DIP2C: variants seen among roughly 807,000 people sequenced by gnomAD.
The protein encoded by DIP2C is DIP2 acetate--CoA ligase C (putative).
DIP2C carries 33 observed loss-of-function variants against 192.4 expected under a neutral mutation model. That is an observed-to-expected ratio of 0.17 (90% confidence interval 0.13 to 0.23). The LOEUF (loss-of-function observed/expected upper bound fraction) is 0.23, where lower values mean the gene tolerates loss of function less well. Among genes scored for constraint, DIP2C ranks in the 10% least tolerant of loss-of-function variants. DIP2C has a pLI of 1.00. For missense variants in DIP2C, 1,537 were observed against 2,110.1 expected (o/e 0.73, Z 5.32); for synonymous variants, 979 against 864.1 (o/e 1.13, Z -2.33).
At chr10:511,507 G>A (rs942785845) in intron 1 of DIP2C, among the ~76,000 whole-genome samples, 15 of 152,232 alleles carry the variant, frequency 9.9e-5, no homozygotes, top group African/African-American at 2.6e-4. Flanking sequence ...AGAAGTATGA[G>A]GAAAAAAGAA....
chr10:399,885 C>T (rs1294987217), intron 9 of DIP2C, among the ~76,000 whole-genome samples: 1 of 152,182 alleles, frequency 6.6e-6, no homozygotes, highest in Non-Finnish European at 1.5e-5. Context: ...GGGCCCTGGC[C>T]CTGCAGCAGT....
chr10:560,542 C>G (rs1036633149), intron 1 of DIP2C, among the ~76,000 whole-genome samples: 1 of 152,148 alleles, frequency 6.6e-6, no homozygotes, highest in African/African-American at 2.4e-5. Flanking sequence ...TTTGATAGGC[C>G]TCTTGATTCT....
chr10:490,889 CAA>C (rs1287979697), intron 1 of DIP2C, among the ~76,000 whole-genome samples: 2 of 152,188 alleles, frequency 1.3e-5, no homozygotes, highest in African/African-American at 2.4e-5. Context: ...CCCAGTGAGG[CAA>C]AGTCACCAGC....
At chr10:414,904 A>G (rs925229368) in intron 7 of DIP2C, among the ~76,000 whole-genome samples, 1 of 77,770 alleles carries the variant, frequency 1.3e-5, no homozygotes, top group African/African-American at 4.5e-5. Context: ...ATATATATAT[A>G]TATTTTTTTT....
chr10:414,071 G>T lies in DIP2C; in HGVS notation c.899C>A (p.Ala300Asp). ...CTCTCCGCGCATGGCCAGCATCTGG[G>T]CCCCCTCCGGCTTTGGTTGGTTCGG... ...PDPNQPKPEG[A>D]QMLAMRGEQL... Residue 300 changes from alanine (A) to aspartate (D), a missense_variant, in exon 8 of 37, where the codon GCC becomes GAC. Physicochemically the swap from Ala to Asp is moderately radical, Grantham distance 126. Coordinates refer to ENST00000280886, the MANE Select transcript of DIP2C (RefSeq NM_014974.3). 2 of 1,613,872 alleles carry T rather than the reference G, an allele frequency of 1.2e-6. No individual in the cohort carries two copies. The highest frequency in any genetic ancestry group is 4.5e-5 in the East Asian group (2 of 44,874).
At chr10:420,312 G>A (rs563416989) in intron 5 of DIP2C, among the ~76,000 whole-genome samples, 1 of 152,368 alleles carries the variant, frequency 6.6e-6, no homozygotes, top group East Asian at 1.9e-4. Flanking sequence ...GGGCGGTGCC[G>A]AGCTGCCTGG....
At chr10:587,526 A>G (rs570332899) in intron 1 of DIP2C, among the ~76,000 whole-genome samples, 1 of 152,318 alleles carries the variant, frequency 6.6e-6, no homozygotes, top group East Asian at 1.9e-4. Context: ...AAGGTCATTA[A>G]TCCCAGCTAT....
chr10:542,231 C>T (rs1170254164), intron 1 of DIP2C, among the ~76,000 whole-genome samples: 5 of 152,188 alleles, frequency 3.3e-5, no homozygotes, highest in Non-Finnish European at 7.4e-5. Flanking sequence ...GAGTTACCTC[C>T]TGGGCGATGC....
chr10:565,897 C>T (rs1186121745), intron 1 of DIP2C, among the ~76,000 whole-genome samples: 2 of 152,192 alleles, frequency 1.3e-5, no homozygotes, highest in Non-Finnish European at 2.9e-5. Flanking sequence ...CGTTGGGAAG[C>T]AGGCAGGGCC....
At chr10:603,117 G>A (rs1852201230) in intron 1 of DIP2C, among the ~76,000 whole-genome samples, 2 of 151,980 alleles carry the variant, frequency 1.3e-5, no homozygotes, top group African/African-American at 4.8e-5. Flanking sequence ...GTTCTGGCAT[G>A]TCATTTGTGT....
At chr10:372,169 G>A (rs1283071921) in intron 17 of DIP2C, among the ~76,000 whole-genome samples, 5 of 149,760 alleles carry the variant, frequency 3.3e-5, no homozygotes, top group Middle Eastern at 3.4e-3. Context: ...TCTGCCTCCC[G>A]GATTCAAGCC....
chr10:529,301 A>T (rs2130852053), intron 1 of DIP2C, among the ~76,000 whole-genome samples: 1 of 152,214 alleles, frequency 6.6e-6, no homozygotes, highest in Admixed American at 6.5e-5. Context: ...AAAATGTTTA[A>T]TTCCTACTCA....
In DIP2C at chr10:369,296, C is replaced by T. The variant is rs549921287; in HGVS notation, c.2131+198G>A. On this transcript the variant is annotated intron_variant, in intron 18 of 36. Coordinates refer to ENST00000280886, the MANE Select transcript of DIP2C (RefSeq NM_014974.3). ...GTGCAAAGCTGCCCTTCCCCATCTTCTTGATCGTCTACCAGGAGAGGGAAC... is the reference window on the plus strand; with the variant it reads ...GTGCAAAGCTGCCCTTCCCCATCTTTTTGATCGTCTACCAGGAGAGGGAAC... Among the ~76,000 whole-genome samples, 15 of 152,302 alleles carry T rather than the reference C, an allele frequency of 9.8e-5. No individual in the cohort carries two copies. The South Asian group carries it at 2.5e-3, about 25-fold the overall frequency.
At chr10:403,810 G>A (rs991727349) in intron 9 of DIP2C, among the ~76,000 whole-genome samples, 15 of 142,124 alleles carry the variant, frequency 1.1e-4, no homozygotes, top group African/African-American at 4.0e-4. Flanking sequence ...TTATGGACAA[G>A]TTTGGTACGT....
intron 1 of DIP2C, among the ~76,000 whole-genome samples, chr10:559,558 G>A (rs1287481134): frequency 1.3e-5 from 2 of 152,204 alleles, no homozygotes; most frequent in Admixed American, 6.5e-5. Flanking sequence ...CAGAGCAGAT[G>A]CAACACTGGG....
At chr10:278,372 G>A (rs988687091) in intron 36 of DIP2C, among the ~76,000 whole-genome samples, 9 of 152,262 alleles carry the variant, frequency 5.9e-5, no homozygotes, top group Middle Eastern at 3.2e-3. Context: ...CCTGTGTTAG[G>A]GAGATGAATG....
At chr10:517,987 A>G (rs1846466926) in intron 1 of DIP2C, among the ~76,000 whole-genome samples, 1 of 152,228 alleles carries the variant, frequency 6.6e-6, no homozygotes, top group African/African-American at 2.4e-5. Context: ...CGTTTCATCA[A>G]GGAAAGGCAG....
At position 551,386 on chromosome 10, in the gene DIP2C, A is replaced by G. The variant is rs77325897; in HGVS notation, c.86-64856T>C. ...TTCCAAAGGCCACGTCCCGCTTACC[A>G]CAGGTGCCACGGAGGCTGTGGAAGG... On this transcript the variant is annotated intron_variant, in intron 1 of 36. Coordinates refer to ENST00000280886, the MANE Select transcript of DIP2C (RefSeq NM_014974.3). 7.9e-5 allele frequency among the ~76,000 whole-genome samples: 12 copies of G among 152,242 alleles called. No individual in the cohort carries two copies. In the East Asian group the frequency reaches 2.3e-3, roughly 29 times the overall value.
At chr10:423,347 C>T (rs1966340230) in intron 4 of DIP2C, among the ~76,000 whole-genome samples, 1 of 152,206 alleles carries the variant, frequency 6.6e-6, no homozygotes, top group Non-Finnish European at 1.5e-5. Flanking sequence ...TTGTGTCACC[C>T]ACAAAGTGAG....
Sources: allele counts gnomAD v4.1 joint callset (sites outside exome capture counted in the v4.1 genomes callset), GRCh38; gene constraint gnomAD v4.1.1; transcripts MANE v1.5; gene names NCBI Gene and HGNC (gene_info 2026-07-23, HGNC 2026-07-21).